The following L3MBTL4 variants were observed in gnomAD, a reference collection of about 807,000 sequenced individuals.
L3MBTL4 encodes lethal(3)malignant brain tumor-like protein 4.
In L3MBTL4, 70 loss-of-function variants were observed where a neutral mutation model predicts 84.5. The ratio of observed to expected loss-of-function variants is 0.83; its 90% CI spans 0.68 to 1.01. The LOEUF (loss-of-function observed/expected upper bound fraction) is 1.01. Ranked by LOEUF, L3MBTL4 falls within the 50% of genes least tolerant of loss-of-function variation. The probability of loss-of-function intolerance (pLI) is 0.00; values close to 1 mark genes in which losing one functional copy is unlikely to be tolerated. For missense variants in L3MBTL4, 715 were observed against 754.8 expected (o/e 0.95, Z 0.62); for synonymous variants, 274 against 259.8 (o/e 1.05, Z -0.52).
intron 12 of L3MBTL4, among the ~76,000 whole-genome samples, chr18:6,186,324 G>A (rs563465019): frequency 1.2e-4 from 18 of 152,178 alleles, no homozygotes; most frequent in African/African-American, 3.1e-4. Context: ...TTACAGGCAT[G>A]AGCCACCATG....
chr18:6,085,114 A>AT (rs2058215674), intron 15 of L3MBTL4, among the ~76,000 whole-genome samples: 1 of 152,248 alleles, frequency 6.6e-6, no homozygotes, highest in Non-Finnish European at 1.5e-5. Context: ...GTTTGCAAAT[A>AT]AAAAGTAATG....
At position 6,239,708 on chromosome 18, in the gene L3MBTL4, C is replaced by T; in HGVS notation, c.707+10G>A. 6.2e-7 allele frequency: 1 copy of T among 1,611,522 alleles called. No homozygotes were observed. Among genetic ancestry groups the T allele is most frequent in the Non-Finnish European group, 8.5e-7 (1 of 1,179,334 alleles). On this transcript the variant is annotated intron_variant, in intron 9 of 18. Coordinates refer to ENST00000317931, the MANE Select transcript of L3MBTL4 (RefSeq NM_001330559.2). ...AATACACAAAAATAAAACACACATT[C>T]ATATCTCACCAGTAATCGTAACTAT...
intron 5 of L3MBTL4, among the ~76,000 whole-genome samples, chr18:6,254,158 T>A (rs1054754572): frequency 9.9e-5 from 15 of 152,170 alleles, no homozygotes; most frequent in African/African-American, 2.9e-4. Flanking sequence ...TCCCTAAGGA[T>A]ACCCTAATTC....
chr18:6,403,164 T>C (rs1599926584), intron 1 of L3MBTL4, among the ~76,000 whole-genome samples: 1 of 152,232 alleles, frequency 6.6e-6, no homozygotes, highest in South Asian at 2.1e-4. Flanking sequence ...TTTATGCGTA[T>C]GAAAAACCTA....
chr18:6,215,370 A>G (rs1481032352), intron 11 of L3MBTL4, among the ~76,000 whole-genome samples: 1 of 152,198 alleles, frequency 6.6e-6, no homozygotes, highest in Non-Finnish European at 1.5e-5. Flanking sequence ...CTATGCATTC[A>G]ACAATTTTGT....
chr18:6,236,791 T>C (rs1439132557), intron 10 of L3MBTL4, among the ~76,000 whole-genome samples: 6 of 152,260 alleles, frequency 3.9e-5, no homozygotes, highest in African/African-American at 1.4e-4. Context: ...GTGATTTTGA[T>C]TTGGCTTCTT....
Position 6,378,850 on chromosome 18 carries a change from G to A in L3MBTL4, c.-91+35951C>T, listed in dbSNP as rs140369315. Among the ~76,000 whole-genome samples the A allele has an allele frequency of 1.9e-3, 284 of 152,212 alleles. 1 individual carries two copies. The highest frequency in any genetic ancestry group is 6.3e-3 in the African/African-American group (262 of 41,534). ...GTGTAAAGTAGATTTTTCCAATTCC[G>A]TGAAGAAAGTCAATGGTAGCTTGAT... On this transcript the variant is annotated intron_variant, in intron 1 of 18. Coordinates refer to ENST00000317931, the MANE Select transcript of L3MBTL4 (RefSeq NM_001330559.2).
At chr18:5,981,672 A>C (rs2053224983) in intron 16 of L3MBTL4, among the ~76,000 whole-genome samples, 1 of 148,990 alleles carries the variant, frequency 6.7e-6, no homozygotes, top group African/African-American at 2.5e-5. Flanking sequence ...AAAAAAAGCC[A>C]GCCTTGGTGG....
chr18:6,092,593 T>G (rs2058497470), intron 15 of L3MBTL4, among the ~76,000 whole-genome samples: 1 of 152,232 alleles, frequency 6.6e-6, no homozygotes, highest in African/African-American at 2.4e-5. Flanking sequence ...CACCCATTTC[T>G]CATCTCTCTG....
At chr18:6,313,489 T>G (rs533209656) in intron 1 of L3MBTL4, among the ~76,000 whole-genome samples, 3 of 152,258 alleles carry the variant, frequency 2.0e-5, no homozygotes, top group African/African-American at 4.8e-5. Context: ...CAGGCACTTA[T>G]GTACTAAATT....
chr18:6,236,642 A>G (rs977513946), intron 10 of L3MBTL4, among the ~76,000 whole-genome samples: 1 of 152,236 alleles, frequency 6.6e-6, no homozygotes, highest in African/African-American at 2.4e-5. Flanking sequence ...AAGGAACATC[A>G]TTCTAAAGTT....
chr18:6,170,080 A>C (rs976959798), intron 13 of L3MBTL4, among the ~76,000 whole-genome samples: 1 of 152,130 alleles, frequency 6.6e-6, no homozygotes, highest in Non-Finnish European at 1.5e-5. Context: ...CATGCGATAG[A>C]TATTAATATT....
chr18:5,986,469 G>A (rs2053469779), intron 16 of L3MBTL4, among the ~76,000 whole-genome samples: 1 of 152,200 alleles, frequency 6.6e-6, no homozygotes, highest in Admixed American at 6.5e-5. Context: ...AACATCATAT[G>A]ATGAGGTCAT....
chr18:6,035,779 G>A (rs2056105595), intron 16 of L3MBTL4, among the ~76,000 whole-genome samples: 1 of 152,138 alleles, frequency 6.6e-6, no homozygotes, highest in East Asian at 1.9e-4. Flanking sequence ...TCCTACCCAT[G>A]AGCATGCAAA....
intron 1 of L3MBTL4, among the ~76,000 whole-genome samples, chr18:6,405,054 A>G (rs1193530479): frequency 6.6e-6 from 1 of 152,168 alleles, no homozygotes. Flanking sequence ...GCTAGGGAAA[A>G]CTTGAAGAAC....
chr18:6,214,949 TCTACTTTC>T (rs774564502), intron 11 of L3MBTL4, among the ~76,000 whole-genome samples: 27 of 152,218 alleles, frequency 1.8e-4, no homozygotes, highest in Non-Finnish European at 3.2e-4. Flanking sequence ...CTCCAACACT[TCTACTTTC>T]CTGATTTTAT....
chr18:6,217,995 GT>G (rs1203535836), intron 10 of L3MBTL4, among the ~76,000 whole-genome samples: 1 of 152,052 alleles, frequency 6.6e-6, no homozygotes, highest in Non-Finnish European at 1.5e-5. Context: ...CTGTAAACAT[GT>G]TTTAAGCTGA....
At chr18:6,347,623 TTA>T (rs2052978200) in intron 1 of L3MBTL4, among the ~76,000 whole-genome samples, 2 of 151,614 alleles carry the variant, frequency 1.3e-5, no homozygotes, top group South Asian at 2.1e-4. Flanking sequence ...TCATAACTTT[TTA>T]AAAAAAAAAC....
intron 10 of L3MBTL4, among the ~76,000 whole-genome samples, chr18:6,233,903 C>A (rs2047101988): frequency 6.6e-6 from 1 of 152,146 alleles, no homozygotes; most frequent in Non-Finnish European, 1.5e-5. Flanking sequence ...ATCACACTAC[C>A]TGACTTCAAA....
Sources: gnomAD v4.1 joint callset for allele counts (sites outside exome capture counted in the v4.1 genomes callset) on GRCh38, gnomAD v4.1.1 for gene constraint, MANE v1.5 for transcripts, NCBI Gene and HGNC (gene_info 2026-07-23, HGNC 2026-07-21) for gene names.